DACH1: variants seen among roughly 807,000 people sequenced by gnomAD.
DACH1 encodes dachshund homolog 1.
In DACH1, 12 loss-of-function variants were observed where a neutral mutation model predicts 54.2. That is an observed-to-expected ratio of 0.22 (90% CI 0.14 to 0.36). The LOEUF is 0.36. Among genes scored for constraint, DACH1 ranks in the 10% least tolerant of loss-of-function variants. The pLI is 1.00. For synonymous variants in DACH1, 386 were observed against 366.2 expected, an observed-to-expected ratio of 1.05 and a Z score of -0.62; for missense variants, 805 against 929.8, an observed-to-expected ratio of 0.87 and a Z score of 1.75.
intron 1 of DACH1, among the ~76,000 whole-genome samples, chr13:71,818,239 A>G (rs1262271120): frequency 6.6e-6 from 1 of 152,212 alleles, no homozygotes; most frequent in South Asian, 2.1e-4. Context: ...AAAGAAATAT[A>G]TGCTATAATT....
Position 71,866,498 on chromosome 13 carries a change from TTGCCGCTGC to T in DACH1, c.263_271del (p.Ser88_Gly90del), listed in dbSNP as rs1874808822. 8 of 1,221,102 alleles carry T rather than the reference TTGCCGCTGC, an allele frequency of 6.6e-6. No individual in the cohort carries two copies. The highest frequency in any genetic ancestry group is 8.2e-6 in the Non-Finnish European group (8 of 981,300). The allele number at this position is 1,221,102 out of a possible 1,614,324, so 75.6% of individuals were successfully genotyped here. On this transcript the variant is annotated inframe_deletion, in exon 1 of 11. Transcript: ENST00000613252. Reference sequence around the variant, plus strand: ...GCCGCCGCCGCCACCGCCGCCTCCGTTGCCGCTGCTGCCGCCGCCGCCTCCGCTGCCGCC... The same window carrying T: ...GCCGCCGCCGCCACCGCCGCCTCCGTTGCCGCCGCCGCCTCCGCTGCCGCC...
chr13:71,603,268 C>A (rs1292043747), intron 3 of DACH1, among the ~76,000 whole-genome samples: 2 of 151,850 alleles, frequency 1.3e-5, no homozygotes, highest in Non-Finnish European at 2.9e-5. Context: ...GTGGATTACT[C>A]CAGGAAAATA....
At chr13:71,669,383 T>C (rs1388205928) in intron 2 of DACH1, among the ~76,000 whole-genome samples, 1 of 152,214 alleles carries the variant, frequency 6.6e-6, no homozygotes, top group African/African-American at 2.4e-5. Context: ...GAACTGCACA[T>C]GCGAGAGATC....
chr13:71,593,005 T>A (rs17088343), intron 3 of DACH1, among the ~76,000 whole-genome samples: 3,659 of 152,136 alleles, frequency 0.024, 107 homozygotes, highest in African/African-American at 0.061. Flanking sequence ...TGCCTCAGAG[T>A]ACGGATTTTG....
intron 10 of DACH1, among the ~76,000 whole-genome samples, chr13:71,453,227 C>G (rs1171534650): frequency 6.6e-6 from 1 of 152,038 alleles, no homozygotes; most frequent in Non-Finnish European, 1.5e-5. Context: ...CTATTCCTTT[C>G]TGAGGGAAAG....
chr13:71,551,561 A>G (rs570513445), intron 6 of DACH1, among the ~76,000 whole-genome samples: 1 of 152,090 alleles, frequency 6.6e-6, no homozygotes, highest in Non-Finnish European at 1.5e-5. Flanking sequence ...GTCTTTCTGT[A>G]CTTGGCTTAT....
At chr13:71,585,991 A>G (rs1873229287) in intron 3 of DACH1, among the ~76,000 whole-genome samples, 1 of 152,182 alleles carries the variant, frequency 6.6e-6, no homozygotes, top group African/African-American at 2.4e-5. Flanking sequence ...CAGCCATGAC[A>G]AAACAATTAT....
intron 1 of DACH1, among the ~76,000 whole-genome samples, chr13:71,804,381 C>T (rs933433367): frequency 3.3e-5 from 5 of 152,178 alleles, no homozygotes; most frequent in South Asian, 2.1e-4. Context: ...CCAAGACATT[C>T]CTCCCCATCA....
At chr13:71,636,442 AACT>A (rs1219664153) in intron 2 of DACH1, among the ~76,000 whole-genome samples, 1 of 151,954 alleles carries the variant, frequency 6.6e-6, no homozygotes, top group Non-Finnish European at 1.5e-5. Flanking sequence ...GCACAAGTTA[AACT>A]ACTTTGATTA....
chr13:71,608,403 T>C (rs534137592), intron 3 of DACH1, among the ~76,000 whole-genome samples: 2 of 152,174 alleles, frequency 1.3e-5, no homozygotes, highest in East Asian at 3.9e-4. Context: ...ACATAAGTAG[T>C]GTATAAAATA....
chr13:71,712,913 G>A (rs1882792173), intron 1 of DACH1, among the ~76,000 whole-genome samples: 2 of 152,022 alleles, frequency 1.3e-5, no homozygotes, highest in South Asian at 2.1e-4. Context: ...CACTGAATAT[G>A]TTTGAGGATT....
chr13:71,673,209 T>A (rs1371724725), intron 2 of DACH1, among the ~76,000 whole-genome samples: 1 of 152,118 alleles, frequency 6.6e-6, no homozygotes, highest in Non-Finnish European at 1.5e-5. Flanking sequence ...TATGTGGTTA[T>A]TTAATTAAGT....
chr13:71,487,199 A>T (rs1878607108), intron 7 of DACH1, among the ~76,000 whole-genome samples: 1 of 152,060 alleles, frequency 6.6e-6, no homozygotes, highest in Admixed American at 6.6e-5. Flanking sequence ...TTCTAACTTT[A>T]TCAGTCCCAG....
chr13:71,778,175 TA>T (rs1316385525), intron 1 of DACH1, among the ~76,000 whole-genome samples: 2 of 151,906 alleles, frequency 1.3e-5, no homozygotes, highest in Non-Finnish European at 2.9e-5. Flanking sequence ...GTGGACCTTA[TA>T]AATAAGCTAG....
At chr13:71,786,682 G>A (rs958274034) in intron 1 of DACH1, among the ~76,000 whole-genome samples, 1 of 151,884 alleles carries the variant, frequency 6.6e-6, no homozygotes, top group African/African-American at 2.4e-5. Flanking sequence ...TTGTTTACTG[G>A]CTATTATTAA....
At chr13:71,521,733 C>T (rs1171273941) in intron 6 of DACH1, among the ~76,000 whole-genome samples, 1 of 152,004 alleles carries the variant, frequency 6.6e-6, no homozygotes, top group African/African-American at 2.4e-5. Flanking sequence ...ATAAAAATGC[C>T]AAATCGCCTA....
At chr13:71,736,098 A>G (rs887807693) in intron 1 of DACH1, among the ~76,000 whole-genome samples, 1 of 152,200 alleles carries the variant, frequency 6.6e-6, no homozygotes, top group Non-Finnish European at 1.5e-5. Flanking sequence ...AGAGGTATGC[A>G]TGGATTTTCT....
chr13:71,723,274 C>T (rs564992226), intron 1 of DACH1, among the ~76,000 whole-genome samples: 13 of 151,344 alleles, frequency 8.6e-5, no homozygotes, highest in Non-Finnish European at 1.0e-4. Flanking sequence ...ATTAGTCCAG[C>T]GTGGTGGCAC....
intron 2 of DACH1, among the ~76,000 whole-genome samples, chr13:71,642,635 TAAACA>T (rs1377159962): frequency 1.3e-5 from 2 of 152,160 alleles, no homozygotes; most frequent in East Asian, 1.9e-4. Flanking sequence ...TAAGGTGACT[TAAACA>T]AAACAAAATT....
Sources: allele counts gnomAD v4.1 joint callset (sites outside exome capture counted in the v4.1 genomes callset), GRCh38; gene constraint gnomAD v4.1.1; transcripts MANE v1.5; gene names NCBI Gene and HGNC (gene_info 2026-07-23, HGNC 2026-07-21).